The following ALG8 variants were observed in gnomAD, a reference collection of about 807,000 sequenced individuals.
ALG8 encodes the protein ALG8 alpha-1,3-glucosyltransferase, also known as dolichyl pyrophosphate Glc1Man9GlcNAc2 alpha-1,3-glucosyltransferase.
A neutral mutation model predicts 70.2 loss-of-function variants in ALG8; 48 were observed. The ratio of observed to expected loss-of-function variants is 0.68; its 90% CI spans 0.54 to 0.87. ALG8 has a LOEUF of 0.87. ALG8 is among the 40% of genes least tolerant of loss of function. The pLI, the probability that ALG8 is intolerant of heterozygous loss-of-function variation, is 0.00. For synonymous variants in ALG8, 234 were observed against 229.0 expected (o/e 1.02, Z -0.20); for missense variants, 572 against 608.7 (o/e 0.94, Z 0.64).
chr11:78,124,865 C>G (rs890155327), intron 2 of ALG8, among the ~76,000 whole-genome samples: 2 of 152,124 alleles, frequency 1.3e-5, no homozygotes, highest in Non-Finnish European at 2.9e-5. Context: ...AGAAACTATC[C>G]TTTATCATTT....
intron 8 of ALG8, among the ~76,000 whole-genome samples, chr11:78,112,106 C>T (rs192904163): frequency 6.6e-6 from 1 of 152,134 alleles, no homozygotes; most frequent in East Asian, 1.9e-4. Flanking sequence ...ACCCTCATCT[C>T]TAAAAAACAA....
chr11:78,133,189 G>A (rs1271819407), intron 1 of ALG8, among the ~76,000 whole-genome samples: 1 of 152,096 alleles, frequency 6.6e-6, no homozygotes. Flanking sequence ...TATTTGCATT[G>A]ATTTGTTTCT....
intron 2 of ALG8, among the ~76,000 whole-genome samples, chr11:78,125,531 C>T (rs947241511): frequency 3.7e-4 from 56 of 149,530 alleles, no homozygotes; most frequent in Non-Finnish European, 8.9e-5. Context: ...TTTGGAAGGC[C>T]GAGGCAGGTG....
At chr11:78,135,817 C>T (rs1308089112) in intron 1 of ALG8, among the ~76,000 whole-genome samples, 1 of 149,698 alleles carries the variant, frequency 6.7e-6, no homozygotes, top group Non-Finnish European at 1.5e-5. Context: ...CACTACACTC[C>T]AGCATGGGAG....
intron 1 of ALG8, chr11:78,138,656 G>C (rs746935542): frequency 6.7e-6 from 3 of 450,478 alleles, no homozygotes; most frequent in Admixed American, 4.8e-5. Flanking sequence ...AAAGAAAAAA[G>C]AGGAAGGATG....
At chr11:78,138,841 A>C (rs995287291) in intron 1 of ALG8, 1 of 455,574 alleles carries the variant, frequency 2.2e-6, no homozygotes, top group African/African-American at 2.0e-5. Flanking sequence ...AGTGCACCCC[A>C]TGCTGTGCCA....
intron 4 of ALG8, among the ~76,000 whole-genome samples, chr11:78,120,048 G>A (rs1436298493): frequency 6.6e-6 from 1 of 152,060 alleles, no homozygotes; most frequent in Non-Finnish European, 1.5e-5. Flanking sequence ...ACTGCAGTGA[G>A]CTGAGATTGT....
chr11:78,103,095 G>T (rs943957858), intron 12 of ALG8: 2 of 152,798 alleles, frequency 1.3e-5, no homozygotes, highest in Non-Finnish European at 2.9e-5. Context: ...GGAGGCCGAG[G>T]TGGGTGGATC....
intron 7 of ALG8, among the ~76,000 whole-genome samples, 177 bp downstream of exon 7, chr11:78,113,709 T>C (rs1189409266): frequency 1.2e-5 from 1 of 83,166 alleles, no homozygotes. Flanking sequence ...TGAGACTCCA[T>C]CTTAAACAAA....
At chr11:78,126,411 A>G (rs533210687) in intron 2 of ALG8, among the ~76,000 whole-genome samples, 31 of 151,628 alleles carry the variant, frequency 2.0e-4, no homozygotes, top group Non-Finnish European at 3.7e-4. Flanking sequence ...GGGCGCCTGT[A>G]ATCCCAGCTA....
chr11:78,116,449 G>A (rs896942204), intron 5 of ALG8, among the ~76,000 whole-genome samples: 3 of 152,112 alleles, frequency 2.0e-5, no homozygotes, highest in Non-Finnish European at 2.9e-5. Flanking sequence ...GCTGGGTGGG[G>A]TGGCTGACAC....
intron 1 of ALG8, among the ~76,000 whole-genome samples, chr11:78,128,284 A>G (rs552771232): frequency 6.6e-6 from 1 of 152,282 alleles, no homozygotes; most frequent in East Asian, 1.9e-4. Context: ...TCCCCTCCAC[A>G]TTTAGAACAG....
chr11:78,113,814 T>A (rs11237396), intron 7 of ALG8, 72 bp downstream of exon 7: 3 of 1,244,542 alleles, frequency 2.4e-6, no homozygotes, highest in Non-Finnish European at 3.4e-6. Context: ...TACATATTCC[T>A]GGCTTTATTA....
intron 2 of ALG8, among the ~76,000 whole-genome samples, chr11:78,126,310 C>T (rs973588724): frequency 2.0e-5 from 3 of 152,042 alleles, no homozygotes; most frequent in Non-Finnish European, 2.9e-5. Flanking sequence ...GTGGGTGGAT[C>T]ACCTGAGGTC....
At chr11:78,118,316 G>C (rs1251970535) in intron 5 of ALG8, among the ~76,000 whole-genome samples, 1 of 151,932 alleles carries the variant, frequency 6.6e-6, no homozygotes, top group Non-Finnish European at 1.5e-5. Context: ...ATCCCAACCA[G>C]ACAAAATGTA....
chr11:78,124,720 C>T (rs927945448), intron 2 of ALG8, among the ~76,000 whole-genome samples: 2 of 152,116 alleles, frequency 1.3e-5, no homozygotes, highest in Non-Finnish European at 2.9e-5. Flanking sequence ...CTTAGAGACA[C>T]AATTTCCCTA....
chr11:78,113,383 A>T lies in ALG8; in HGVS notation c.777+503T>A, dbSNP rs754387368. Among the ~76,000 whole-genome samples the T allele has an allele frequency of 5.6e-4, 85 of 152,214 alleles. 1 individual carries two copies. The highest frequency in any genetic ancestry group is 7.4e-4 in the Non-Finnish European group (50 of 68,024). ...TAAACATATACATGTATATATATATACATATTTGAATGTGCACAAAAATGT... is the reference window on the plus strand; with the variant it reads ...TAAACATATACATGTATATATATATTCATATTTGAATGTGCACAAAAATGT... On this transcript the variant is annotated intron_variant, in intron 7 of 12. Coordinates refer to ENST00000299626, the MANE Select transcript of ALG8 (RefSeq NM_024079.5).
At position 78,109,717 on chromosome 11, in the gene ALG8, T is replaced by TAGCTTA. The variant is rs1860196701; in HGVS notation, c.899-137_899-136insTAAGCT. ...TGCTTAAAGGCTAAGATTTCATGAATTTAATCCTATACTATTCTACCCAAA... is the reference window on the plus strand; with the variant it reads ...TGCTTAAAGGCTAAGATTTCATGAATAGCTTATTAATCCTATACTATTCTACCCAAA... On this transcript the variant is annotated intron_variant, in intron 8 of 12. Coordinates refer to ENST00000299626, the MANE Select transcript of ALG8 (RefSeq NM_024079.5). 2 of 889,728 alleles carry TAGCTTA rather than the reference T, an allele frequency of 2.2e-6. 1 individual carries two copies. The highest frequency in any genetic ancestry group is 4.2e-5 in the Admixed American group (2 of 47,218). 55.1% of individuals were successfully genotyped at this position (889,728 alleles called of 1,614,324 possible). A position where few individuals can be genotyped will look rare whatever the true frequency, so the allele number is the denominator to read the frequency against.
chr11:78,105,595 G>A (rs549081203), intron 10 of ALG8, among the ~76,000 whole-genome samples: 11 of 147,928 alleles, frequency 7.4e-5, no homozygotes, highest in Admixed American at 6.2e-4. Flanking sequence ...CTTGTGCCCA[G>A]TAGTTTGAGA....
Sources: allele counts gnomAD v4.1 joint callset (sites outside exome capture counted in the v4.1 genomes callset), GRCh38; gene constraint gnomAD v4.1.1; transcripts MANE v1.5; gene names NCBI Gene and HGNC (gene_info 2026-07-23, HGNC 2026-07-21).